RGS12: variants seen among roughly 807,000 people sequenced by gnomAD.
The protein encoded by RGS12 is regulator of G-protein signaling 12.
A neutral mutation model predicts 120.1 loss-of-function variants in RGS12; 66 were observed. The observed-to-expected ratio is 0.55, with a 90% confidence interval of 0.45 to 0.67. The LOEUF (loss-of-function observed/expected upper bound fraction) is 0.67, where lower values mean the gene tolerates loss of function less well. RGS12 is among the 30% of genes least tolerant of loss of function. The pLI is 0.00. For missense variants in RGS12, 1,859 were observed against 1,957.7 expected (o/e 0.95, Z 0.95); for synonymous variants, 827 against 804.7 (o/e 1.03, Z -0.47).
In RGS12 at chr4:3,430,833, C is replaced by T. The variant is rs201116297; in HGVS notation, c.3992C>T (p.Thr1331Met). The change falls in exon 17 of 18, where the codon ACG becomes ATG. Residue 1331 changes from threonine to methionine, a missense_variant. Thr to Met is a moderately conservative substitution (Grantham distance 81, BLOSUM62 -1). This residue lies in a region of RGS12 where 517 missense variants were observed against 488.5 expected (regional missense o/e 1.06). Coordinates refer to ENST00000336727, the MANE Select transcript of RGS12 (RefSeq NM_001394154.1). ...SQEVEAGGIQ[T>M]VEDEHVAELT... ...GAAGTGGAGGCCGGGGGCATCCAGACGGTGGAGGATGAGCACGTGGCCGAG... is the reference window on the plus strand; with the variant it reads ...GAAGTGGAGGCCGGGGGCATCCAGATGGTGGAGGATGAGCACGTGGCCGAG... 5.0e-5 allele frequency: 80 copies of T among 1,611,660 alleles called. No individual in the cohort carries two copies. The highest frequency in any genetic ancestry group is 2.6e-4 in the South Asian group (24 of 90,816).
chr4:3,370,820 A>C (rs1473749943), intron 3 of RGS12, among the ~76,000 whole-genome samples: 1 of 152,232 alleles, frequency 6.6e-6, no homozygotes, highest in South Asian at 2.1e-4. Flanking sequence ...TTACTATATA[A>C]GCTTATGAAG....
rs1036153661 is a variant in RGS12 at position 3,389,732 on chromosome 4, C to T, written c.2020+3295C>T. ...CAGAGCGCCCACCTCCTCCTGCGTA[C>T]GGCGTCTGTGCCAGCAGGAAAGCCG... On this transcript the variant is annotated intron_variant, in intron 4 of 17. Transcript: ENST00000336727. The surrounding 1 kb of genome is among the most constrained non-coding windows in gnomAD (Gnocchi z 5.2). 2.0e-5 allele frequency among the ~76,000 whole-genome samples: 3 copies of T among 152,316 alleles called. No individual in the cohort carries two copies. The highest frequency in any genetic ancestry group is 2.1e-4 in the South Asian group (1 of 4,826).
At chr4:3,367,261 G>A (rs1401786459) in intron 3 of RGS12, among the ~76,000 whole-genome samples, 2 of 152,270 alleles carry the variant, frequency 1.3e-5, no homozygotes, top group Non-Finnish European at 1.5e-5. Flanking sequence ...GCCTTCTCTG[G>A]GATCCGCGGT....
At chr4:3,331,531 C>G (rs557091212) in intron 2 of RGS12, among the ~76,000 whole-genome samples, 2 of 152,028 alleles carry the variant, frequency 1.3e-5, no homozygotes, top group Non-Finnish European at 2.9e-5. Context: ...CCTTGGATTG[C>G]AGGCCAGGAG....
intron 3 of RGS12, among the ~76,000 whole-genome samples, chr4:3,363,615 C>T (rs1292530864): frequency 6.6e-6 from 1 of 152,160 alleles, no homozygotes; most frequent in East Asian, 1.9e-4. Context: ...TGGAGATGGA[C>T]GCAGCGTCCC....
At chr4:3,417,797 T>TA in intron 9 of RGS12, 1 of 476,590 alleles carries the variant, frequency 2.1e-6, no homozygotes, top group Non-Finnish European at 3.7e-6. Context: ...AGCCCATGCC[T>TA]ACCTCAGGCC....
chr4:3,341,004 T>A (rs1422844653), intron 2 of RGS12, among the ~76,000 whole-genome samples: 1 of 151,736 alleles, frequency 6.6e-6, no homozygotes, highest in Non-Finnish European at 1.5e-5. Context: ...GCATCGCCAC[T>A]TTCAGGATGA....
intron 4 of RGS12, among the ~76,000 whole-genome samples, chr4:3,388,133 C>T (rs1379982957): frequency 1.3e-5 from 2 of 152,166 alleles, no homozygotes; most frequent in East Asian, 1.9e-4. Context: ...TCCTTCTTTT[C>T]CCAGTGTCAG....
chr4:3,401,981 G>A (rs1720634972), intron 4 of RGS12, among the ~76,000 whole-genome samples: 2 of 152,180 alleles, frequency 1.3e-5, no homozygotes, highest in Non-Finnish European at 2.9e-5. Context: ...GTGGCCCCCT[G>A]AGCCCCAGCT....
intron 1 of RGS12, among the ~76,000 whole-genome samples, chr4:3,310,712 G>A (rs1030869454): frequency 6.6e-5 from 10 of 151,976 alleles, no homozygotes; most frequent in Non-Finnish European, 1.5e-5. Context: ...TGGGTGTTCG[G>A]CAGCTGTGGG....
chr4:3,367,069 T>C (rs564167053), intron 3 of RGS12, among the ~76,000 whole-genome samples: 2 of 152,232 alleles, frequency 1.3e-5, no homozygotes, highest in East Asian at 3.9e-4. Flanking sequence ...CCTGCCCCCC[T>C]GCTCACCCTG....
chr4:3,385,607 A>T lies in RGS12; in HGVS notation c.1999-809A>T, dbSNP rs141494285. 2.0e-4 allele frequency: 31 copies of T among 152,656 alleles called. No homozygotes were observed. The East Asian group carries it at 5.8e-3, about 29-fold the overall frequency. 9.5% of individuals were successfully genotyped at this position (152,656 alleles called of 1,614,324 possible). ...TTTCGGCTTCCTCCTGGCTCAGCTG[A>T]CTGTCTCGAGTTCTCGGCCTCCTCC... On this transcript the variant is annotated intron_variant, in intron 3 of 17. Coordinates refer to ENST00000336727, the MANE Select transcript of RGS12 (RefSeq NM_001394154.1).
chr4:3,361,452 G>C (rs1715550618), intron 3 of RGS12, among the ~76,000 whole-genome samples: 1 of 152,222 alleles, frequency 6.6e-6, no homozygotes, highest in Non-Finnish European at 1.5e-5. Flanking sequence ...TGGGGCATCA[G>C]CCCGGAGCAG....
At chr4:3,346,438 G>A (rs757742427) in intron 3 of RGS12, among the ~76,000 whole-genome samples, 2 of 152,160 alleles carry the variant, frequency 1.3e-5, no homozygotes, top group East Asian at 1.9e-4. Flanking sequence ...TGAAGCTGTC[G>A]GCTTCTAGTC....
chr4:3,349,930 G>C (rs571885380), intron 3 of RGS12, among the ~76,000 whole-genome samples: 1 of 152,256 alleles, frequency 6.6e-6, no homozygotes, highest in South Asian at 2.1e-4. Context: ...ATAACTTTAA[G>C]ATTTCAGATT....
intron 1 of RGS12, among the ~76,000 whole-genome samples, chr4:3,306,789 G>C (rs1723991626): frequency 6.6e-6 from 1 of 152,094 alleles, no homozygotes; most frequent in Admixed American, 6.6e-5. Flanking sequence ...GACGCTGGTG[G>C]GTGGGAACAA....
At chr4:3,428,260 C>T (rs770626202) in intron 15 of RGS12, 91 bp downstream of exon 15, 8 of 1,150,608 alleles carry the variant, frequency 7.0e-6, no homozygotes, top group Admixed American at 1.7e-5. Context: ...TCCTTACCGC[C>T]TGCTTATCAC....
intron 1 of RGS12, among the ~76,000 whole-genome samples, chr4:3,303,341 G>T (rs1326605109): frequency 6.6e-6 from 1 of 152,242 alleles, no homozygotes; most frequent in Non-Finnish European, 1.5e-5. Context: ...CAGGGAGGAT[G>T]TGGGAGGGCC....
chr4:3,420,348 C>G (rs1413558598), intron 9 of RGS12: 1 of 507,064 alleles, frequency 2.0e-6, no homozygotes, highest in Non-Finnish European at 3.6e-6. Flanking sequence ...TTGTTGGGCA[C>G]CTGCCATGAG....
Sources: gnomAD v4.1 joint callset for allele counts (sites outside exome capture counted in the v4.1 genomes callset) on GRCh38, gnomAD v4.1.1 for gene constraint, gnomAD v4.1.1 regional missense constraint, Gnocchi (gnomAD v3.1) non-coding constraint, MANE v1.5 for transcripts, NCBI Gene and HGNC (gene_info 2026-07-23, HGNC 2026-07-21) for gene names.